The following SPRR2G variants were observed in gnomAD, a reference collection of about 807,000 sequenced individuals.
SPRR2G encodes small proline rich protein 2G, also known as small proline-rich protein 2G.
SPRR2G carries 1 observed loss-of-function variant against 0.7 expected under a neutral mutation model. The ratio of observed to expected loss-of-function variants is 1.49; its 90% CI spans 0.53 to 7.06. SPRR2G has a LOEUF of 7.06. SPRR2G is among the 30% of genes most tolerant of loss of function. The pLI is 0.14. For synonymous variants in SPRR2G, 38 were observed against 33.9 expected (o/e 1.12, Z -0.42); for missense variants, 96 against 88.5 (o/e 1.09, Z -0.34).
At chr1:153,193,690 G>T in the SPRR2G span, among the ~76,000 whole-genome samples, 1 of 152,198 alleles carries the variant, frequency 6.6e-6, no homozygotes, top group Non-Finnish European at 1.5e-5. Flanking sequence ...TAGAAGAACT[G>T]TTTCCTGGAG....
chr1:153,161,834 G>A, the SPRR2G span, among the ~76,000 whole-genome samples: 2 of 152,174 alleles, frequency 1.3e-5, no homozygotes, highest in East Asian at 1.9e-4. Context: ...TGCAGACTTT[G>A]AGAATCTTCA....
At position 153,150,146 on chromosome 1, in the gene SPRR2G, C is replaced by G. The variant is rs372055777; in HGVS notation, c.-21-15G>C. 1.2e-6 allele frequency: 2 copies of G among 1,609,020 alleles called. No homozygotes were observed. Among genetic ancestry groups the G allele is most frequent in the African/African-American group, 1.3e-5 (1 of 74,802 alleles). The stretch of plus-strand genomic sequence containing the variant: ...TCTCAGAGAATCTGAAAGATACATA[C>G]GAAACAGTGCTCATAAGAGAGACAG... On this transcript the variant is annotated splice_polypyrimidine_tract_variant and intron_variant, in intron 1 of 1. Transcript: ENST00000368748.
chr1:153,201,112 C>T, the SPRR2G span, among the ~76,000 whole-genome samples: 1 of 152,156 alleles, frequency 6.6e-6, no homozygotes, highest in Non-Finnish European at 1.5e-5. Flanking sequence ...CTCGTGGAGG[C>T]CCAGCAGCCT....
intron 1 of SPRR2G, 130 bp from the exon 2 acceptor site, chr1:153,150,261 A>G (rs1294488496): frequency 1.5e-6 from 2 of 1,350,898 alleles, no homozygotes; most frequent in African/African-American, 2.9e-5. Context: ...TGACTTTGTG[A>G]ACCTTCTTCA....
At chr1:153,202,830 C>T in the SPRR2G span, among the ~76,000 whole-genome samples, 1 of 152,186 alleles carries the variant, frequency 6.6e-6, no homozygotes, top group African/African-American at 2.4e-5. Flanking sequence ...GTGTCTAAGC[C>T]TACCCACCTT....
At chr1:153,164,754 C>T in the SPRR2G span, among the ~76,000 whole-genome samples, 1 of 152,134 alleles carries the variant, frequency 6.6e-6, no homozygotes, top group Admixed American at 6.5e-5. Context: ...TCAAGTTTCG[C>T]TTTTTGCAAC....
At chr1:153,173,348 A>G in the SPRR2G span, among the ~76,000 whole-genome samples, 2 of 152,190 alleles carry the variant, frequency 1.3e-5, no homozygotes, top group Non-Finnish European at 2.9e-5. Context: ...GAAAGAGTGA[A>G]GTTGTCCTAC....
the SPRR2G span, among the ~76,000 whole-genome samples, chr1:153,193,154 T>C: frequency 6.6e-6 from 1 of 152,126 alleles, no homozygotes; most frequent in African/African-American, 2.4e-5. Flanking sequence ...AAAGACTGGA[T>C]AAACTGCCAC....
the SPRR2G span, among the ~76,000 whole-genome samples, chr1:153,162,983 G>C: frequency 0.47 from 71,419 of 151,976 alleles, 17,859 homozygotes; most frequent in Non-Finnish European, 0.57. Flanking sequence ...AGAATCTTCT[G>C]TCATGATTAG....
chr1:153,150,294 A>G (rs116772662), intron 1 of SPRR2G, among the ~76,000 whole-genome samples, 163 bp from the exon 2 acceptor site: 2,035 of 152,128 alleles, frequency 0.013, 43 homozygotes, highest in African/African-American at 0.047. Flanking sequence ...AGGACCTCTT[A>G]CCCTCAGTTC....
chr1:153,167,655 T>A, the SPRR2G span, among the ~76,000 whole-genome samples: 1 of 152,178 alleles, frequency 6.6e-6, no homozygotes, highest in Non-Finnish European at 1.5e-5. Flanking sequence ...AGATGCTGAA[T>A]GTACAATGGA....
chr1:153,194,784 C>T, the SPRR2G span, among the ~76,000 whole-genome samples: 10 of 152,302 alleles, frequency 6.6e-5, no homozygotes, highest in East Asian at 5.8e-4. Context: ...GGGCAGGCAT[C>T]GGCTCCTTGG....
upstream of SPRR2G, among the ~76,000 whole-genome samples, chr1:153,153,652 C>T (rs545175580): frequency 4.1e-4 from 62 of 151,654 alleles, no homozygotes; most frequent in African/African-American, 1.5e-3. Context: ...AGAAGACAGG[C>T]GAGTGGAAAG....
upstream of SPRR2G, among the ~76,000 whole-genome samples, chr1:153,151,413 T>C (rs1198164978): frequency 6.6e-6 from 1 of 152,212 alleles, no homozygotes; most frequent in Non-Finnish European, 1.5e-5. Flanking sequence ...CAAAATCATA[T>C]ATCAGCTTCC....
At chr1:153,165,199 T>C in the SPRR2G span, among the ~76,000 whole-genome samples, 1 of 150,996 alleles carries the variant, frequency 6.6e-6, no homozygotes, top group Non-Finnish European at 1.5e-5. Context: ...GATGGATGGA[T>C]GGACGGACGG....
At chr1:153,199,203 C>T in the SPRR2G span, among the ~76,000 whole-genome samples, 2 of 151,988 alleles carry the variant, frequency 1.3e-5, no homozygotes, top group Non-Finnish European at 2.9e-5. Flanking sequence ...TCCCATGGGC[C>T]AGATATGAGC....
the SPRR2G span, chr1:153,174,510 C>G: frequency 6.6e-6 from 1 of 152,398 alleles, no homozygotes; most frequent in African/African-American, 2.4e-5. Context: ...CCTCAGCCAG[C>G]CGCAAAAGGG....
chr1:153,149,963 G>T lies in SPRR2G; in HGVS notation c.148C>A (p.Pro50Thr). The T allele has an allele frequency of 6.2e-7, 1 of 1,614,108 alleles. No individual in the cohort carries two copies. Among genetic ancestry groups the T allele is most frequent in the South Asian group, 1.1e-5 (1 of 91,084 alleles). Reference sequence around the variant, plus strand: ...ACAGGAGGGCATTTATCCTGGCATGGTGGAGGTGGGCAATGCTCAGGTGGA... The same window carrying T: ...ACAGGAGGGCATTTATCCTGGCATGTTGGAGGTGGGCAATGCTCAGGTGGA... Reference protein sequence around the residue: ...PCPPEHCPPPPCQDKCPPVQP... With the variant: ...PCPPEHCPPPTCQDKCPPVQP... Residue 50 changes from proline to threonine, a missense_variant, in exon 2 of 2, where the codon CCA (proline) becomes ACA (threonine). By Grantham distance (38) the Pro-to-Thr change is conservative (BLOSUM62 -1). Transcript: ENST00000368748.
intron 1 of SPRR2G, 122 bp from the exon 2 acceptor site, chr1:153,150,253 A>T (rs746389015): frequency 5.0e-6 from 7 of 1,392,208 alleles, no homozygotes; most frequent in Non-Finnish European, 6.7e-6. Context: ...AGTCTTTATG[A>T]CTTTGTGAAC....
Sources: gnomAD v4.1 joint callset for allele counts (sites outside exome capture counted in the v4.1 genomes callset) on GRCh38, gnomAD v4.1.1 for gene constraint, MANE v1.5 for transcripts, NCBI Gene and HGNC (gene_info 2026-07-23, HGNC 2026-07-21) for gene names.